The following NAALADL2 variants were observed in gnomAD, a reference collection of about 807,000 sequenced individuals.
NAALADL2 encodes the protein inactive N-acetylated-alpha-linked acidic dipeptidase-like protein 2.
In NAALADL2, 76 loss-of-function variants were observed where a neutral mutation model predicts 87.2. The ratio of observed to expected loss-of-function variants is 0.87; its 90% CI spans 0.72 to 1.05. The LOEUF is 1.05. NAALADL2 is among the 50% of genes least tolerant of loss of function. NAALADL2 has a pLI of 0.00. For synonymous variants in NAALADL2, 354 were observed against 331.0 expected, an observed-to-expected ratio of 1.07 and a Z score of -0.75; for missense variants, 1,089 against 945.8, an observed-to-expected ratio of 1.15 and a Z score of -1.99.
At chr3:175,652,336 A>C (rs1730871914) in intron 11 of NAALADL2, among the ~76,000 whole-genome samples, 1 of 152,154 alleles carries the variant, frequency 6.6e-6, no homozygotes, top group Admixed American at 6.6e-5. Flanking sequence ...AGTTTAAATT[A>C]AGGAGGGAGA....
At chr3:174,835,545 A>G (rs1026317690) in intron 3 of NAALADL2, among the ~76,000 whole-genome samples, 4 of 152,164 alleles carry the variant, frequency 2.6e-5, no homozygotes, top group Non-Finnish European at 5.9e-5. Context: ...AAGGGATACA[A>G]TTAGCAGGGT....
chr3:175,365,664 T>C (rs1765467991), intron 5 of NAALADL2, among the ~76,000 whole-genome samples: 2 of 147,080 alleles, frequency 1.4e-5, no homozygotes, highest in Admixed American at 1.4e-4. Flanking sequence ...TGTGTACTTT[T>C]GAGTGTGATG....
At chr3:174,976,756 C>A (rs192944482) in intron 1 of NAALADL2, among the ~76,000 whole-genome samples, 4 of 152,198 alleles carry the variant, frequency 2.6e-5, no homozygotes, top group Admixed American at 2.0e-4. Context: ...TGTTAGAGAC[C>A]CACAGAAATT....
chr3:174,709,262 T>C (rs1182705571), intron 2 of NAALADL2, among the ~76,000 whole-genome samples: 2 of 152,154 alleles, frequency 1.3e-5, no homozygotes, highest in Non-Finnish European at 2.9e-5. Flanking sequence ...GGTAGTTGAA[T>C]ATGGCTCTGA....
intron 11 of NAALADL2, among the ~76,000 whole-genome samples, chr3:175,721,297 T>C (rs1202311678): frequency 2.6e-5 from 4 of 152,056 alleles, no homozygotes; most frequent in African/African-American, 9.7e-5. Flanking sequence ...CAAGCTAATA[T>C]ACTTCAAGAA....
intron 1 of NAALADL2, among the ~76,000 whole-genome samples, chr3:174,879,218 C>T (rs1309319867): frequency 1.3e-5 from 2 of 151,950 alleles, no homozygotes; most frequent in South Asian, 4.1e-4. Flanking sequence ...TAAGATAAAT[C>T]TACTTATTAA....
chr3:174,478,718 GT>G (rs1254472719), intron 1 of NAALADL2, among the ~76,000 whole-genome samples: 1 of 151,926 alleles, frequency 6.6e-6, no homozygotes, highest in Non-Finnish European at 1.5e-5. Context: ...TTTTTGTTTT[GT>G]TTTGTTTTTT....
chr3:174,665,651 G>A (rs2108788704), intron 2 of NAALADL2, among the ~76,000 whole-genome samples: 1 of 152,234 alleles, frequency 6.6e-6, no homozygotes, highest in Non-Finnish European at 1.5e-5. Context: ...TGAAAATCTG[G>A]CTTCCTCATA....
At chr3:175,051,403 G>A (rs1755372539) in intron 1 of NAALADL2, among the ~76,000 whole-genome samples, 1 of 152,056 alleles carries the variant, frequency 6.6e-6, no homozygotes, top group South Asian at 2.1e-4. Context: ...GTCTGGACAG[G>A]CTGCATTTCT....
At chr3:175,548,738 G>A (rs181398228) in intron 9 of NAALADL2, among the ~76,000 whole-genome samples, 101 of 152,096 alleles carry the variant, frequency 6.6e-4, no homozygotes, top group Non-Finnish European at 1.0e-3. Context: ...CCTGGTTACA[G>A]CTAAAGTTCA....
At chr3:175,287,410 T>C (rs567460669) in intron 4 of NAALADL2, among the ~76,000 whole-genome samples, 12 of 152,330 alleles carry the variant, frequency 7.9e-5, no homozygotes, top group African/African-American at 2.9e-4. Context: ...ATTTTAAAAG[T>C]GCATACACCA....
chr3:175,460,668 G>A (rs770391496), intron 6 of NAALADL2, among the ~76,000 whole-genome samples: 1 of 152,076 alleles, frequency 6.6e-6, no homozygotes, highest in Admixed American at 6.6e-5. Flanking sequence ...ATATACAAAA[G>A]CAAAACTGAA....
intron 5 of NAALADL2, among the ~76,000 whole-genome samples, chr3:175,364,156 A>T (rs1448991025): frequency 6.8e-6 from 1 of 147,826 alleles, no homozygotes; most frequent in Non-Finnish European, 1.5e-5. Context: ...GTGTGTGCAC[A>T]CTCACAAACT....
intron 1 of NAALADL2, among the ~76,000 whole-genome samples, chr3:175,025,287 G>A (rs530247582): frequency 1.3e-5 from 2 of 152,190 alleles, no homozygotes; most frequent in Non-Finnish European, 2.9e-5. Flanking sequence ...TTTTGTCAGG[G>A]ATGGGTAAAA....
At chr3:175,325,587 A>G (rs193038332) in intron 5 of NAALADL2, among the ~76,000 whole-genome samples, 136 of 152,308 alleles carry the variant, frequency 8.9e-4, no homozygotes, top group Middle Eastern at 3.4e-3. Flanking sequence ...TGGCAAGTCA[A>G]TGGGCTACAG....
chr3:175,119,718 A>G (rs1231413669), intron 2 of NAALADL2, among the ~76,000 whole-genome samples: 3 of 47,398 alleles, frequency 6.3e-5, no homozygotes, highest in East Asian at 7.1e-4. Flanking sequence ...TAGATATATA[A>G]TGTAAAATAA....
At chr3:175,227,294 A>G (rs1459630655) in intron 2 of NAALADL2, among the ~76,000 whole-genome samples, 1 of 151,932 alleles carries the variant, frequency 6.6e-6, no homozygotes, top group Non-Finnish European at 1.5e-5. Flanking sequence ...TATAAACAGA[A>G]TTTTGTCTAC....
intron 4 of NAALADL2, among the ~76,000 whole-genome samples, chr3:175,299,849 T>A (rs1445267307): frequency 6.6e-6 from 1 of 152,198 alleles, no homozygotes; most frequent in Non-Finnish European, 1.5e-5. Context: ...GAGAAAGGGC[T>A]TCCTGAACTT....
chr3:174,623,323 A>G (rs1415342477), intron 2 of NAALADL2, among the ~76,000 whole-genome samples: 1 of 152,170 alleles, frequency 6.6e-6, no homozygotes, highest in African/African-American at 2.4e-5. Context: ...TTATGCAGTT[A>G]TGATTTAATA....
Sources: gnomAD v4.1 joint callset for allele counts (sites outside exome capture counted in the v4.1 genomes callset) on GRCh38, gnomAD v4.1.1 for gene constraint, MANE v1.5 for transcripts, NCBI Gene and HGNC (gene_info 2026-07-23, HGNC 2026-07-21) for gene names.